The following PCLAF variants were observed in gnomAD, a reference collection of about 807,000 sequenced individuals.
PCLAF encodes PCNA-associated factor.
A neutral mutation model predicts 15.1 loss-of-function variants in PCLAF; 12 were observed. That is an observed-to-expected ratio of 0.79 (90% CI 0.51 to 1.29). PCLAF has a LOEUF of 1.29. Ranked by LOEUF, PCLAF falls within the 50% of genes most tolerant of loss-of-function variation. The pLI is 0.00. For missense variants in PCLAF, 116 were observed against 130.9 expected (o/e 0.89, Z 0.56); for synonymous variants, 33 against 47.1 (o/e 0.70, Z 1.22).
chr15:64,369,324 G>A (rs189706506), intron 3 of PCLAF, among the ~76,000 whole-genome samples: 4 of 133,338 alleles, frequency 3.0e-5, no homozygotes, highest in Admixed American at 8.9e-5. Flanking sequence ...TCTCACCACT[G>A]CACTCCAGCC....
chr15:64,365,911 A>AT lies in PCLAF; in HGVS notation c.*118dup. 1 of 826,336 alleles carries AT rather than the reference A, an allele frequency of 1.2e-6. No homozygotes were observed. Among genetic ancestry groups the AT allele is most frequent in the East Asian group, 2.7e-5 (1 of 37,322 alleles). The allele number at this position is 826,336 out of a possible 1,614,324, so 51.2% of individuals were successfully genotyped here. On this transcript the variant is annotated 3_prime_UTR_variant, in exon 4 of 4. Coordinates refer to ENST00000300035, the MANE Select transcript of PCLAF (RefSeq NM_014736.6). Reference sequence around the variant, plus strand: ...TTTGAACATCTAAATTTAAACCTAAATTTTTTAATTAAATGCCTGTTCAAC... The same window carrying AT: ...TTTGAACATCTAAATTTAAACCTAAATTTTTTTAATTAAATGCCTGTTCAAC...
intron 3 of PCLAF, among the ~76,000 whole-genome samples, chr15:64,371,941 A>G (rs146523893): frequency 8.4e-4 from 13 of 15,452 alleles, no homozygotes; most frequent in African/African-American, 1.8e-3. Flanking sequence ...AAAATGGTCA[A>G]TTTTTAAGTT....
At chr15:64,373,747 A>AG in intron 3 of PCLAF, 2 of 1,535,836 alleles carry the variant, frequency 1.3e-6, no homozygotes, top group Non-Finnish European at 1.7e-6. Context: ...AGTGTGCTGG[A>AG]GGATGGGTGG....
chr15:64,371,608 G>A (rs1164703904), intron 3 of PCLAF, among the ~76,000 whole-genome samples: 3 of 151,350 alleles, frequency 2.0e-5, no homozygotes. Context: ...CTTCAAAACA[G>A]ATCAATTTTT....
chr15:64,365,966 A>G lies in PCLAF; in HGVS notation c.*64T>C. The G allele has an allele frequency of 7.4e-7, 1 of 1,343,240 alleles. No individual in the cohort carries two copies. Among genetic ancestry groups the G allele is most frequent in the East Asian group, 2.3e-5 (1 of 43,286 alleles). The allele number at this position is 1,343,240 out of a possible 1,614,324, so 83.2% of individuals were successfully genotyped here. Reference sequence around the variant, plus strand: ...CTAATTGGAACAAACACATTTATGTAAATTTACATTCTAGAATACCAGGGT... The same window carrying G: ...CTAATTGGAACAAACACATTTATGTGAATTTACATTCTAGAATACCAGGGT... On this transcript the variant is annotated 3_prime_UTR_variant, in exon 4 of 4. Transcript: ENST00000300035.
At chr15:64,380,930 C>A in intron 2 of PCLAF, 28 bp downstream of exon 2, 5 of 1,599,288 alleles carry the variant, frequency 3.1e-6, no homozygotes, top group Non-Finnish European at 4.3e-6. Flanking sequence ...CAGGACTGAT[C>A]CCCTAACTTT....
At chr15:64,379,378 A>T (rs1012075244) in intron 2 of PCLAF, among the ~76,000 whole-genome samples, 9 of 152,042 alleles carry the variant, frequency 5.9e-5, no homozygotes, top group African/African-American at 2.2e-4. Context: ...ACTTGGGAAG[A>T]GCCTGAAGTG....
At chr15:64,373,681 C>T (rs1203464871) in intron 3 of PCLAF, 8 of 1,534,070 alleles carry the variant, frequency 5.2e-6, no homozygotes, top group South Asian at 4.8e-5. Flanking sequence ...GAATGAGCAT[C>T]GCCACCATCC....
At chr15:64,378,972 G>C (rs1413573385) in intron 2 of PCLAF, among the ~76,000 whole-genome samples, 1 of 151,564 alleles carries the variant, frequency 6.6e-6, no homozygotes, top group Non-Finnish European at 1.5e-5. Context: ...TTAGTTGTGT[G>C]ACCTTTATCA....
chr15:64,379,516 T>G (rs1227109080), intron 2 of PCLAF, among the ~76,000 whole-genome samples: 1 of 151,740 alleles, frequency 6.6e-6, no homozygotes, highest in Non-Finnish European at 1.5e-5. Context: ...AAAAAGAAAC[T>G]TAGTCTAGTG....
Position 64,365,708 on chromosome 15 carries a change from C to T in PCLAF, c.*322G>A. 7.2e-6 allele frequency: 2 copies of T among 277,206 alleles called. No individual in the cohort carries two copies. The highest frequency in any genetic ancestry group is 1.3e-5 in the Non-Finnish European group (2 of 148,270). The allele number at this position is 277,206 out of a possible 1,614,324, so 17.2% of individuals were successfully genotyped here. On this transcript the variant is annotated 3_prime_UTR_variant, in exon 4 of 4. Transcript: ENST00000300035. ...AACACCAATAAAAATGGCAGCAGTA[C>T]AACAATCTAAGCAAATCTCAAATAC... is the stretch of plus-strand genomic sequence containing the variant.
chr15:64,380,252 G>A (rs1016557676), intron 2 of PCLAF, among the ~76,000 whole-genome samples: 3 of 151,796 alleles, frequency 2.0e-5, no homozygotes, highest in Admixed American at 6.6e-5. Context: ...GTGTGGTGGC[G>A]TGCACCTGTA....
chr15:64,380,810 G>T (rs981906102), intron 2 of PCLAF, 148 bp downstream of exon 2: 4 of 624,322 alleles, frequency 6.4e-6, no homozygotes, highest in Admixed American at 3.1e-5. Context: ...CTCTACCCTA[G>T]CCGGCCAAAA....
upstream of PCLAF, among the ~76,000 whole-genome samples, chr15:64,385,829 T>G (rs899361289): frequency 1.3e-5 from 2 of 151,932 alleles, no homozygotes; most frequent in East Asian, 1.9e-4. Context: ...AGAAAAAATA[T>G]TTCTTCCTTC....
In PCLAF at chr15:64,381,325, C is replaced by T; in HGVS notation, c.46+1G>A. The T allele has an allele frequency of 6.2e-7, 1 of 1,614,154 alleles. No homozygotes were observed. The highest frequency in any genetic ancestry group is 8.5e-7 in the Non-Finnish European group (1 of 1,180,022). ...TCCAGTACCACACTCGATCGCCTCACCTTTTCTGTAAGTGCCTGGAACACT... is the reference window on the plus strand; with the variant it reads ...TCCAGTACCACACTCGATCGCCTCATCTTTTCTGTAAGTGCCTGGAACACT... On this transcript the variant is annotated splice_donor_variant, in intron 1 of 3. Coordinates refer to ENST00000300035, the MANE Select transcript of PCLAF (RefSeq NM_014736.6). LOFTEE classifies it high-confidence loss of function.
Position 64,366,599 on chromosome 15 carries a change from A to C in PCLAF, c.291-524T>G. The stretch of plus-strand genomic sequence containing the variant: ...ACACTCATAATCCCAGCACTTTGGG[A>C]GGATGAGGCAGGAGGATTGCTTGAG... On this transcript the variant is annotated intron_variant, in intron 3 of 3. Transcript: ENST00000300035. 1.3e-5 allele frequency among the ~76,000 whole-genome samples: 2 copies of C among 152,158 alleles called. 1 individual carries two copies. The highest frequency in any genetic ancestry group is 3.8e-4 in the East Asian group (2 of 5,202).
At chr15:64,374,604 G>C (rs1023160025) in intron 3 of PCLAF, among the ~76,000 whole-genome samples, 6 of 152,026 alleles carry the variant, frequency 3.9e-5, no homozygotes, top group African/African-American at 1.4e-4. Flanking sequence ...CAGCACAGTG[G>C]GAGGCCAAGG....
chr15:64,366,258 G>T (rs1048793112), intron 3 of PCLAF, among the ~76,000 whole-genome samples, 183 bp from the exon 4 acceptor site: 2 of 152,204 alleles, frequency 1.3e-5, no homozygotes, highest in Admixed American at 6.5e-5. Context: ...AAGTATTAAT[G>T]CAACAAAATT....
At chr15:64,373,644 G>A in intron 3 of PCLAF, 1 of 1,527,198 alleles carries the variant, frequency 6.5e-7, no homozygotes, top group East Asian at 2.5e-5. Flanking sequence ...TGCACGGGTA[G>A]GAGCAGCGCC....
Sources: allele counts gnomAD v4.1 joint callset (sites outside exome capture counted in the v4.1 genomes callset), GRCh38; gene constraint gnomAD v4.1.1; transcripts MANE v1.5; gene names NCBI Gene and HGNC (gene_info 2026-07-23, HGNC 2026-07-21).